Variants in PTAFR observed in about 807,000 individuals in gnomAD.
The protein encoded by PTAFR is platelet activating factor receptor, also known as platelet-activating factor receptor.
PTAFR carries 8 observed loss-of-function variants against 14.7 expected under a neutral mutation model. The ratio of observed to expected loss-of-function variants is 0.54; its 90% CI spans 0.32 to 0.98. The LOEUF (loss-of-function observed/expected upper bound fraction) is 0.98, where lower values mean the gene tolerates loss of function less well. Among genes scored for constraint, PTAFR ranks in the 50% least tolerant of loss-of-function variants. The pLI is 0.04. For synonymous variants in PTAFR, 156 were observed against 176.5 expected (o/e 0.88, Z 0.92); for missense variants, 337 against 451.2 (o/e 0.75, Z 2.29).
At chr1:28,190,390 G>A (rs947118153) in intron 1 of PTAFR, among the ~76,000 whole-genome samples, 7 of 152,196 alleles carry the variant, frequency 4.6e-5, no homozygotes, top group African/African-American at 1.7e-4. Context: ...TGGAATGAGT[G>A]TGGGTACACA....
rs150479756 is a variant in PTAFR, at chr1:28,186,024, C to T, written c.-39+7698G>A. Among the ~76,000 whole-genome samples the T allele has an allele frequency of 5.2e-3, 787 of 152,204 alleles. 8 individuals carry two copies. Among genetic ancestry groups the T allele is most frequent in the Non-Finnish European group, 6.7e-3 (457 of 67,996 alleles). On this transcript the variant is annotated intron_variant, in intron 1 of 1. Transcript: ENST00000305392. Reference sequence around the variant, plus strand: ...ATGGAGTCTTATCCTGTCACCCATGCTGGAGTGCAGTGGCGCCATCTCAGC... The same window carrying T: ...ATGGAGTCTTATCCTGTCACCCATGTTGGAGTGCAGTGGCGCCATCTCAGC...
At chr1:28,189,488 CTG>C (rs1053422507) in intron 1 of PTAFR, among the ~76,000 whole-genome samples, 6 of 151,726 alleles carry the variant, frequency 4.0e-5, no homozygotes, top group Non-Finnish European at 7.4e-5. Context: ...TGGCGCGCGC[CTG>C]TAGTCCCAGC....
Position 28,150,336 on chromosome 1 carries a change from C to T in PTAFR, c.686G>A (p.Arg229Gln), listed in dbSNP as rs139524224. Residue 229 changes from arginine (R) to glutamine (Q), a missense_variant, in exon 2 of 2, where the codon CGG becomes CAG. Transcript: ENST00000373857. The surrounding 1 kb of genome is among the most constrained non-coding windows in gnomAD (Gnocchi z 6.3). Reference sequence around the variant, plus strand: ...GACCGTGCACACCATCCACAGCGCCCGGCGCTTGACTTCAGCGTTGCGCTG... The same window carrying T: ...GACCGTGCACACCATCCACAGCGCCTGGCGCTTGACTTCAGCGTTGCGCTG... ...QQQRNAEVKR[R>Q]ALWMVCTVLA... 289 of 1,613,872 alleles carry T rather than the reference C, an allele frequency of 1.8e-4. No individual in the cohort carries two copies. The African/African-American group carries it at 2.5e-3, about 14-fold the overall frequency.
intron 1 of PTAFR, 51 bp from the exon 2 acceptor site, chr1:28,151,110 T>C: frequency 1.9e-6 from 2 of 1,042,264 alleles, no homozygotes; most frequent in African/African-American, 1.6e-5. Context: ...GAAGGGACTG[T>C]TCCATTTCAT....
intron 1 of PTAFR, among the ~76,000 whole-genome samples, chr1:28,168,258 A>C (rs1646414066): frequency 6.6e-6 from 1 of 151,716 alleles, no homozygotes; most frequent in Non-Finnish European, 1.5e-5. Flanking sequence ...GGCGTGAGCC[A>C]CCGCGCCCGG....
intron 1 of PTAFR, among the ~76,000 whole-genome samples, chr1:28,168,227 A>T (rs543696555): frequency 5.7e-4 from 82 of 143,466 alleles, no homozygotes; most frequent in Admixed American, 3.9e-3. Context: ...CTCCTCGGCC[A>T]CCCAAAGTGC....
At chr1:28,188,284 A>G (rs1296080652) in intron 1 of PTAFR, among the ~76,000 whole-genome samples, 1 of 152,174 alleles carries the variant, frequency 6.6e-6, no homozygotes, top group Non-Finnish European at 1.5e-5. Context: ...TGTCTCTACT[A>G]AAAATACAAA....
At chr1:28,184,908 G>A (rs1171597358) in intron 1 of PTAFR, among the ~76,000 whole-genome samples, 1 of 151,790 alleles carries the variant, frequency 6.6e-6, no homozygotes, top group East Asian at 2.0e-4. Flanking sequence ...TCAAAGTGCC[G>A]GGATTACAGG....
At chr1:28,154,421 A>G (rs78390194) in intron 1 of PTAFR, among the ~76,000 whole-genome samples, 1 of 152,092 alleles carries the variant, frequency 6.6e-6, no homozygotes, top group African/African-American at 2.4e-5. Flanking sequence ...TAGGGCGAAC[A>G]CCCAGCAAGG....
chr1:28,185,529 TG>T (rs750466902), intron 1 of PTAFR, among the ~76,000 whole-genome samples: 31 of 152,190 alleles, frequency 2.0e-4, no homozygotes, highest in Non-Finnish European at 3.5e-4. Flanking sequence ...GAAAAGGGCA[TG>T]GGTTTTAGAA....
chr1:28,186,112 G>T (rs1021156268), intron 1 of PTAFR, among the ~76,000 whole-genome samples: 5 of 151,974 alleles, frequency 3.3e-5, no homozygotes, highest in Non-Finnish European at 7.4e-5. Context: ...CCAGTAGCTG[G>T]GACTACAGGT....
chr1:28,158,870 G>A (rs1178977752), intron 1 of PTAFR, among the ~76,000 whole-genome samples: 1 of 152,190 alleles, frequency 6.6e-6, no homozygotes, highest in Non-Finnish European at 1.5e-5. Context: ...GAATGAACTG[G>A]AGGTGATCAG....
At chr1:28,190,382 G>GA (rs1646642747) in intron 1 of PTAFR, among the ~76,000 whole-genome samples, 1 of 152,170 alleles carries the variant, frequency 6.6e-6, no homozygotes, top group East Asian at 1.9e-4. Context: ...AGAGGGGGTG[G>GA]AATGAGTGTG....
chr1:28,167,955 T>A (rs1372816534), intron 1 of PTAFR, among the ~76,000 whole-genome samples: 8 of 112,680 alleles, frequency 7.1e-5, no homozygotes, highest in Non-Finnish European at 1.4e-4. Context: ...CAGATCTTTT[T>A]TTTTTTTTTT....
At chr1:28,191,928 A>G (rs1009529096) in intron 1 of PTAFR, among the ~76,000 whole-genome samples, 1 of 151,986 alleles carries the variant, frequency 6.6e-6, no homozygotes, top group Non-Finnish European at 1.5e-5. Context: ...TTAGCTGGTC[A>G]TGGTGGTGCA....
chr1:28,161,549 G>T (rs1304854282), intron 1 of PTAFR, among the ~76,000 whole-genome samples: 2 of 152,030 alleles, frequency 1.3e-5, no homozygotes. Context: ...GTCTCACTAT[G>T]TTGCCCAGGT....
rs191335618 is a variant in PTAFR, at chr1:28,157,833, T to C, written c.-38-6774A>G. On this transcript the variant is annotated intron_variant, in intron 1 of 1. Coordinates refer to ENST00000373857, the MANE Select transcript of PTAFR (RefSeq NM_000952.5). ...TTTTGGTAGAGATGGGGTTTCACCA[T>C]GTTAGCCAGGATGGTCTTGATCTCC... Among the ~76,000 whole-genome samples the C allele has an allele frequency of 4.7e-3, 707 of 151,928 alleles. 7 individuals carry two copies. The highest frequency in any genetic ancestry group is 0.016 in the African/African-American group (656 of 41,422).
At position 28,153,361 on chromosome 1, in the gene PTAFR, AG is replaced by A. The variant is rs533999508; in HGVS notation, c.-38-2303del. Among the ~76,000 whole-genome samples the A allele has an allele frequency of 2.2e-3, 342 of 152,294 alleles. 1 individual carries two copies. Among genetic ancestry groups the A allele is most frequent in the South Asian group, 5.4e-3 (26 of 4,826 alleles). ...ATTTACATTGCAGTGGGCATGACTCAGGGAAGCAGCAGGCAGGGAGGAGGAT... is the reference window on the plus strand; with the variant it reads ...ATTTACATTGCAGTGGGCATGACTCAGGAAGCAGCAGGCAGGGAGGAGGAT... On this transcript the variant is annotated intron_variant, in intron 1 of 1. Coordinates refer to ENST00000373857, the MANE Select transcript of PTAFR (RefSeq NM_000952.5).
intron 1 of PTAFR, among the ~76,000 whole-genome samples, chr1:28,166,478 C>T (rs554574179): frequency 6.6e-6 from 1 of 152,092 alleles, no homozygotes; most frequent in Non-Finnish European, 1.5e-5. Context: ...TGAAGACCAG[C>T]CTGGCCAACA....
Sources: gnomAD v4.1 joint callset for allele counts (sites outside exome capture counted in the v4.1 genomes callset) on GRCh38, gnomAD v4.1.1 for gene constraint, Gnocchi (gnomAD v3.1) non-coding constraint, MANE v1.5 for transcripts, NCBI Gene and HGNC (gene_info 2026-07-23, HGNC 2026-07-21) for gene names.